Variants in RBM48 observed in about 807,000 individuals in gnomAD.
RBM48 encodes the protein RNA binding motif protein 48, also known as RNA-binding protein 48.
In RBM48, 32 loss-of-function variants were observed where a neutral mutation model predicts 34.8. The ratio of observed to expected loss-of-function variants is 0.92; its 90% confidence interval spans 0.69 to 1.23. The LOEUF is 1.23. Ranked by LOEUF, RBM48 falls within the 50% of genes most tolerant of loss-of-function variation. The pLI is 0.00. For missense variants in RBM48, 441 were observed against 447.2 expected (o/e 0.99, Z 0.12); for synonymous variants, 151 against 156.2 (o/e 0.97, Z 0.25).
chr7:92,528,798 G>A lies in RBM48; in HGVS notation c.-16G>A, dbSNP rs368841956. 29 of 1,607,930 alleles carry A rather than the reference G, an allele frequency of 1.8e-5. No individual in the cohort carries two copies. In the African/African-American group the frequency reaches 2.9e-4, roughly 16 times the overall value. On this transcript the variant is annotated 5_prime_UTR_variant, in exon 1 of 5. Transcript: ENST00000265732. Reference sequence around the variant, plus strand: ...GGGCGGATGTTGTCCTCCCTGCGAGGATCAAAGTAGGCAAGATGGCGTCGA... The same window carrying A: ...GGGCGGATGTTGTCCTCCCTGCGAGAATCAAAGTAGGCAAGATGGCGTCGA...
At chr7:92,528,988 AC>A in intron 1 of RBM48, 64 bp downstream of exon 1, 1 of 1,185,212 alleles carries the variant, frequency 8.4e-7, no homozygotes, top group Non-Finnish European at 1.2e-6. Flanking sequence ...GCGCCATATG[AC>A]CAGCCTACGG....
rs566080122 is a variant in RBM48 at position 92,539,163 on chromosome 7, G to A, written c.*2226G>A. Among the ~76,000 whole-genome samples the A allele has an allele frequency of 6.6e-6, 1 of 152,352 alleles. No individual in the cohort carries two copies. The highest frequency in any genetic ancestry group is 2.4e-5 in the African/African-American group (1 of 41,582). On this transcript the variant is annotated 3_prime_UTR_variant, in exon 5 of 5. Coordinates refer to ENST00000265732, the MANE Select transcript of RBM48 (RefSeq NM_032120.4). ...CAGATGAACTCTGGAAGCAGCTGAA[G>A]AACGGTTGGCTGTTCCATCCTAAGC...
Position 92,529,359 on chromosome 7 carries a change from C to G in RBM48, c.112-117C>G, listed in dbSNP as rs1793477651. 4.7e-6 allele frequency: 3 copies of G among 632,320 alleles called. No homozygotes were observed. In the Admixed American group the frequency reaches 9.7e-5, roughly 21 times the overall value. 39.2% of individuals were successfully genotyped at this position (632,320 alleles called of 1,614,324 possible). A position where few individuals can be genotyped will look rare whatever the true frequency, so the allele number is the denominator to read the frequency against. On this transcript the variant is annotated intron_variant, in intron 1 of 4. Transcript: ENST00000265732. ...AGAAATTTCATTTTGTGTTCTTTTG[C>G]TGACTGGGTTGAACAGATTATTTCT...
rs575029032 is a variant in RBM48, at chr7:92,535,947, C to T, written c.1018-904C>T. 3.2e-4 allele frequency: 143 copies of T among 444,328 alleles called. 2 individuals are homozygous for T. In the South Asian group the frequency reaches 0.012, roughly 38 times the overall value. 27.5% of individuals were successfully genotyped at this position (444,328 alleles called of 1,614,324 possible). The stretch of plus-strand genomic sequence containing the variant: ...CCCAGGAGTCTGAGACCAGCCTGAC[C>T]AATGTGATGAAACCCCATCTTTACC... On this transcript the variant is annotated intron_variant, in intron 4 of 4. Transcript: ENST00000265732.
intron 4 of RBM48, chr7:92,536,533 A>G (rs181799786): frequency 2.0e-6 from 2 of 1,004,338 alleles, no homozygotes; most frequent in East Asian, 9.7e-5. Context: ...CAAAACCAGG[A>G]TATCTATCTG....
At chr7:92,528,978 G>T (rs1793457138) in intron 1 of RBM48, 54 bp downstream of exon 1, 3 of 1,263,368 alleles carry the variant, frequency 2.4e-6, no homozygotes, top group South Asian at 2.5e-5. Flanking sequence ...GTGAGTGCTA[G>T]CGCCATATGA....
At position 92,529,584 on chromosome 7, in the gene RBM48, C is replaced by T. The variant is rs768438147; in HGVS notation, c.220C>T (p.Gln74Ter). 1 of 1,609,924 alleles carries T rather than the reference C, an allele frequency of 6.2e-7. No homozygotes were observed. Among genetic ancestry groups the T allele is most frequent in the East Asian group, 2.2e-5 (1 of 44,844 alleles). ...ATTCGCTTTATATGGTGCAATTGAA[C>T]AGTACAATGCTCTAGATGAATACCC... The part of the protein sequence containing the change: ...ERFALYGAIE[Q>*]YNALDEYPAE... The change falls in exon 2 of 5, where the codon CAG becomes TAG. Residue 74 changes from glutamine (Q) to a stop codon, truncating the protein, a stop_gained. Transcript: ENST00000265732. LOFTEE classifies it high-confidence loss of function.
chr7:92,531,708 A>G (rs946396021), intron 2 of RBM48, among the ~76,000 whole-genome samples: 2 of 152,206 alleles, frequency 1.3e-5, no homozygotes, highest in Non-Finnish European at 2.9e-5. Context: ...TTGCTCCTCA[A>G]ACCAGACTAT....
At position 92,534,404 on chromosome 7, in the gene RBM48, C is replaced by A; in HGVS notation, c.451C>A (p.His151Asn). The A allele has an allele frequency of 5.0e-6, 8 of 1,607,526 alleles. No individual in the cohort carries two copies. The highest frequency in any genetic ancestry group is 5.9e-6 in the Non-Finnish European group (7 of 1,176,868). The change falls in exon 4 of 5, where the codon CAT (histidine) becomes AAT (asparagine). Residue 151 changes from histidine to asparagine, a missense_variant and splice_region_variant. Physicochemically the swap from His to Asn is moderately conservative, Grantham distance 68. Transcript: ENST00000265732. ...YVVKTTENKD[H>N]YVTKKKLVTE... The stretch of plus-strand genomic sequence containing the variant: ...AACTTTTAAATTGTAATATAAAGAC[C>A]ATTACGTGACAAAGAAGAAATTGGT...
Position 92,534,732 on chromosome 7 carries a change from G to C in RBM48, c.779G>C (p.Gly260Ala), listed in dbSNP as rs371939861. Residue 260 changes from glycine to alanine, a missense_variant, in exon 4 of 5, where the codon GGT becomes GCT. Coordinates refer to ENST00000265732, the MANE Select transcript of RBM48 (RefSeq NM_032120.4). ...TTGAAAAACTCAGTGGCCTGCCCTG[G>C]TGCACAAAAGGCTATTACGTCTTCA... ...NSLKNSVACP[G>A]AQKAITSSEA... The C allele has an allele frequency of 1.9e-6, 3 of 1,614,160 alleles. No homozygotes were observed. Among genetic ancestry groups the C allele is most frequent in the Non-Finnish European group, 2.5e-6 (3 of 1,180,032 alleles).
Position 92,532,448 on chromosome 7 carries a change from T to C in RBM48, c.347T>C (p.Leu116Ser), listed in dbSNP as rs1793598344. The C allele has an allele frequency of 6.2e-7, 1 of 1,611,874 alleles. No homozygotes were observed. Among genetic ancestry groups the C allele is most frequent in the African/African-American group, 1.3e-5 (1 of 74,846 alleles). ...KMDEQSFFGG[L>S]LHVCYAPEFE... is the part of the protein sequence containing the mutation. ...GATGAACAGAGTTTCTTCGGTGGAT[T>C]GCTTCATGTGTGCTATGCTCCAGAA... The change falls in exon 3 of 5, where the codon TTG becomes TCG. Residue 116 changes from leucine (L) to serine (S), a missense_variant. Transcript: ENST00000265732.
chr7:92,530,726 G>A (rs1793553053), intron 2 of RBM48, among the ~76,000 whole-genome samples: 1 of 151,552 alleles, frequency 6.6e-6, no homozygotes, highest in African/African-American at 2.4e-5. Flanking sequence ...CTTGAACCCA[G>A]AAAGTGGAGG....
Position 92,539,736 on chromosome 7 carries a change from T to G in RBM48, c.*2799T>G, listed in dbSNP as rs1387637765. 6.6e-6 allele frequency among the ~76,000 whole-genome samples: 1 copy of G among 152,158 alleles called. No individual in the cohort carries two copies. Among genetic ancestry groups the G allele is most frequent in the Non-Finnish European group, 1.5e-5 (1 of 68,032 alleles). The stretch of plus-strand genomic sequence containing the variant: ...TCTTGTATACCATGTTTGAAAAGCA[T>G]AGTTGATAAAGGAAGAACATGTAAG... On this transcript the variant is annotated 3_prime_UTR_variant, in exon 5 of 5. Transcript: ENST00000265732.
intron 2 of RBM48, among the ~76,000 whole-genome samples, chr7:92,530,828 C>G (rs1251519013): frequency 6.6e-6 from 1 of 151,670 alleles, no homozygotes; most frequent in African/African-American, 2.4e-5. Context: ...GGATTTGATC[C>G]CAGCACTTTG....
At chr7:92,535,508 CTG>C (rs1408188465) in intron 4 of RBM48, 3 of 980,018 alleles carry the variant, frequency 3.1e-6, no homozygotes, top group Middle Eastern at 5.2e-4. Context: ...CCTAGGTAGT[CTG>C]TTTTTTTTTT....
At chr7:92,534,123 C>A in intron 3 of RBM48, 1 of 348,290 alleles carries the variant, frequency 2.9e-6, no homozygotes, top group Non-Finnish European at 5.3e-6. Flanking sequence ...CAAAGTGAGA[C>A]ATATTGAACA....
chr7:92,540,229 TC>T lies in RBM48; in HGVS notation c.*3294del, dbSNP rs1446493914. The T allele has an allele frequency of 6.6e-6, 1 of 152,208 alleles. No homozygotes were observed. Among genetic ancestry groups the T allele is most frequent in the Non-Finnish European group, 1.5e-5 (1 of 68,026 alleles). 9.4% of individuals were successfully genotyped at this position (152,208 alleles called of 1,614,324 possible). ...TTACTCTCTGACCCTTTAAAATTTT[TC>T]CTGAATCTATATGGGCTATTGGCAC... On this transcript the variant is annotated 3_prime_UTR_variant, in exon 5 of 5. Coordinates refer to ENST00000265732, the MANE Select transcript of RBM48 (RefSeq NM_032120.4).
chr7:92,536,163 T>A, intron 4 of RBM48: 1 of 985,410 alleles, frequency 1.0e-6, no homozygotes, highest in Non-Finnish European at 1.2e-6. Flanking sequence ...GCTGCCACCC[T>A]TACTTCCTTC....
intron 4 of RBM48, chr7:92,535,648 A>G: frequency 1.0e-6 from 1 of 985,130 alleles, no homozygotes; most frequent in Non-Finnish European, 1.2e-6. Context: ...GAGGGTTATG[A>G]CATTCTCTTA....
Sources: gnomAD v4.1 joint callset for allele counts (sites outside exome capture counted in the v4.1 genomes callset) on GRCh38, gnomAD v4.1.1 for gene constraint, MANE v1.5 for transcripts, NCBI Gene and HGNC (gene_info 2026-07-23, HGNC 2026-07-21) for gene names.